MAML2: variants seen among roughly 807,000 people sequenced by gnomAD.
MAML2 encodes the protein mastermind like transcriptional coactivator 2.
A neutral mutation model predicts 96.1 loss-of-function variants in MAML2; 22 were observed. That is an observed-to-expected ratio of 0.23 (90% CI 0.16 to 0.33). MAML2 has a LOEUF of 0.33. Among genes scored for constraint, MAML2 ranks in the 10% least tolerant of loss-of-function variants. The pLI is 1.00. For missense variants in MAML2, 1,367 were observed against 1,392.4 expected, an observed-to-expected ratio of 0.98 and a Z score of 0.29; for synonymous variants, 561 against 521.3, an observed-to-expected ratio of 1.08 and a Z score of -1.04.
intron 2 of MAML2, among the ~76,000 whole-genome samples, chr11:96,007,015 A>AT (rs944010583): frequency 7.5e-4 from 109 of 144,896 alleles, no homozygotes; most frequent in Non-Finnish European, 3.7e-4. Flanking sequence ...TTTTTTTATT[A>AT]TTTTTTTAGA....
intron 1 of MAML2, among the ~76,000 whole-genome samples, chr11:96,196,093 AAAAGT>A (rs1239949090): frequency 1.3e-5 from 2 of 152,234 alleles, no homozygotes; most frequent in East Asian, 1.9e-4. Flanking sequence ...GAACATTTAA[AAAAGT>A]AAACTAACAA....
At chr11:96,224,470 T>C (rs1862184074) in intron 1 of MAML2, among the ~76,000 whole-genome samples, 1 of 152,236 alleles carries the variant, frequency 6.6e-6, no homozygotes, top group Non-Finnish European at 1.5e-5. Flanking sequence ...ATTCTATCTA[T>C]TTGAATGGCT....
intron 2 of MAML2, among the ~76,000 whole-genome samples, chr11:95,993,845 T>C (rs1359465571): frequency 2.6e-5 from 4 of 152,184 alleles, no homozygotes; most frequent in Non-Finnish European, 5.9e-5. Flanking sequence ...CCACTGAGGC[T>C]TATTATCAGC....
chr11:96,302,580 T>TC (rs985073149), intron 1 of MAML2, among the ~76,000 whole-genome samples: 2 of 152,206 alleles, frequency 1.3e-5, no homozygotes, highest in African/African-American at 4.8e-5. Context: ...GAGCTGATTC[T>TC]CCCCTGAGGA....
chr11:96,134,726 C>T (rs1318326557), intron 1 of MAML2, among the ~76,000 whole-genome samples: 3 of 152,142 alleles, frequency 2.0e-5, no homozygotes, highest in African/African-American at 7.2e-5. Flanking sequence ...TCAACTAATC[C>T]AGCCAGTATT....
At chr11:96,301,528 A>G (rs2135998629) in intron 1 of MAML2, among the ~76,000 whole-genome samples, 1 of 152,304 alleles carries the variant, frequency 6.6e-6, no homozygotes, top group African/African-American at 2.4e-5. Context: ...TGCCACATGG[A>G]TATGTGTTAG....
At chr11:96,212,780 T>C (rs1177418451) in intron 1 of MAML2, among the ~76,000 whole-genome samples, 1 of 152,196 alleles carries the variant, frequency 6.6e-6, no homozygotes, top group Non-Finnish European at 1.5e-5. Flanking sequence ...AATGTGACCA[T>C]TCCTTCTGAC....
chr11:96,289,941 C>A (rs1237810354), intron 1 of MAML2, among the ~76,000 whole-genome samples: 1 of 152,136 alleles, frequency 6.6e-6, no homozygotes, highest in Non-Finnish European at 1.5e-5. Flanking sequence ...CTAAATTAAT[C>A]ATTACAATCA....
intron 1 of MAML2, among the ~76,000 whole-genome samples, chr11:96,299,067 A>ATATATATATATATATATATATT (rs1555037077): frequency 2.7e-4 from 37 of 135,626 alleles, no homozygotes; most frequent in Non-Finnish European, 5.3e-4. Context: ...AAAAATATAT[A>ATATATATATATATATATATATT]TATATATATA....
intron 1 of MAML2, among the ~76,000 whole-genome samples, chr11:96,326,254 T>C (rs1183197264): frequency 6.6e-6 from 1 of 152,098 alleles, no homozygotes; most frequent in Non-Finnish European, 1.5e-5. Flanking sequence ...TATGGCAGAC[T>C]GGGCTTTAGA....
chr11:95,991,615 T>G lies in MAML2; in HGVS notation c.2248A>C (p.Asn750His). ...GYMNSQQSLL[N>H]QQLMGKKQTL... The stretch of plus-strand genomic sequence containing the variant: ...TGCTTCTTTCCCATCAATTGCTGAT[T>G]CAACAGTGATTGCTGGGAGTTCATG... The change falls in exon 3 of 5, where the codon AAT becomes CAT. Residue 750 changes from asparagine (N) to histidine (H), a missense_variant. Physicochemically the swap from Asn to His is moderately conservative, Grantham distance 68 (BLOSUM62 1). Transcript: ENST00000524717. The G allele has an allele frequency of 6.2e-7, 1 of 1,613,778 alleles. No individual in the cohort carries two copies. The highest frequency in any genetic ancestry group is 2.2e-5 in the East Asian group (1 of 44,886).
chr11:96,010,055 G>A (rs954756629), intron 2 of MAML2, among the ~76,000 whole-genome samples: 1 of 152,082 alleles, frequency 6.6e-6, no homozygotes, highest in Non-Finnish European at 1.5e-5. Context: ...ACTGCAAACT[G>A]TAATATGTCT....
Position 96,279,122 on chromosome 11 carries a change from C to G in MAML2, c.513+62261G>C, listed in dbSNP as rs910857796. ...ACATGAAGACTACAAGAGAAAAAAA[C>G]AGACTTGGAGTTGAAACTTCAGTTT... On this transcript the variant is annotated intron_variant, in intron 1 of 4. Transcript: ENST00000524717. 4.6e-5 allele frequency among the ~76,000 whole-genome samples: 7 copies of G among 152,198 alleles called. No homozygotes were observed. The South Asian group carries it at 1.5e-3, about 32-fold the overall frequency.
At chr11:96,336,930 G>T (rs1269688477) in intron 1 of MAML2, among the ~76,000 whole-genome samples, 4 of 152,196 alleles carry the variant, frequency 2.6e-5, no homozygotes, top group Non-Finnish European at 1.5e-5. Flanking sequence ...AAAGAAAGCA[G>T]ATGCCTTCTA....
chr11:96,145,517 G>C (rs1489583407), intron 1 of MAML2, among the ~76,000 whole-genome samples: 1 of 152,154 alleles, frequency 6.6e-6, no homozygotes, highest in Non-Finnish European at 1.5e-5. Flanking sequence ...ACATGATAAG[G>C]CTGGGAATTT....
At chr11:96,238,461 A>C (rs1474124781) in intron 1 of MAML2, among the ~76,000 whole-genome samples, 1 of 152,206 alleles carries the variant, frequency 6.6e-6, no homozygotes, top group African/African-American at 2.4e-5. Context: ...TTTTGAATGA[A>C]ATTTCTGCTG....
At chr11:96,039,239 A>G (rs1378654268) in intron 2 of MAML2, among the ~76,000 whole-genome samples, 1 of 151,514 alleles carries the variant, frequency 6.6e-6, no homozygotes, top group Non-Finnish European at 1.5e-5. Flanking sequence ...TCAGTGACAG[A>G]GCAAGACCAA....
In MAML2 at chr11:96,092,260, G is replaced by T. The variant is rs772275108; in HGVS notation, c.1771C>A (p.Gln591Lys). The change falls in exon 2 of 5, where the codon CAG (glutamine) becomes AAG (lysine). Residue 591 changes from glutamine (Q) to lysine (K), a missense_variant. By Grantham distance (53) the Gln-to-Lys change is moderately conservative. Transcript: ENST00000524717. This position sits in a 1 kb window ranked among gnomAD's most constrained non-coding sequence, Gnocchi z 4.1. ...PSLLHYTQQQ[Q>K]QQQQQQQQQQ... ...TGCTGCTGCTGCTGCTGTTGCTGCT[G>T]TTGCTGTTGGGTGTAGTGTAGGAGA... 6.4e-7 allele frequency: 1 copy of T among 1,554,854 alleles called. No homozygotes were observed. The highest frequency in any genetic ancestry group is 8.7e-7 in the Non-Finnish European group (1 of 1,148,844).
At chr11:96,255,109 C>A (rs759642134) in intron 1 of MAML2, among the ~76,000 whole-genome samples, 1 of 152,164 alleles carries the variant, frequency 6.6e-6, no homozygotes, top group South Asian at 2.1e-4. Flanking sequence ...GGATTACAGG[C>A]GCAAGTTACC....
Sources: gnomAD v4.1 joint callset for allele counts (sites outside exome capture counted in the v4.1 genomes callset) on GRCh38, gnomAD v4.1.1 for gene constraint, Gnocchi (gnomAD v3.1) non-coding constraint, MANE v1.5 for transcripts, NCBI Gene and HGNC (gene_info 2026-07-23, HGNC 2026-07-21) for gene names.